Variants in HPCAL1 observed in about 807,000 individuals in gnomAD.
The protein encoded by HPCAL1 is hippocalcin like 1.
Under a neutral mutation model 17.1 loss-of-function variants are expected in HPCAL1, and 8 were observed. That is an observed-to-expected ratio of 0.47 (90% CI 0.27 to 0.84). The LOEUF is 0.84. HPCAL1 is among the 40% of genes least tolerant of loss of function. The pLI is 0.13. For missense variants in HPCAL1, 165 were observed against 271.1 expected (o/e 0.61, Z 2.75); for synonymous variants, 112 against 111.4 (o/e 1.01, Z -0.03).
chr2:10,378,228 T>G (rs1469980570), intron 1 of HPCAL1, among the ~76,000 whole-genome samples: 2 of 146,852 alleles, frequency 1.4e-5, no homozygotes, highest in Non-Finnish European at 3.0e-5. Context: ...TTCATGTTTT[T>G]TTTTTTTTTT....
In HPCAL1 at chr2:10,395,373, T is replaced by G. The variant is rs1419638654; in HGVS notation, c.-110-1462T>G. Among the ~76,000 whole-genome samples, 1 of 151,972 alleles carries G rather than the reference T, an allele frequency of 6.6e-6. No homozygotes were observed. Among genetic ancestry groups the G allele is most frequent in the African/African-American group, 2.4e-5 (1 of 41,350 alleles). On this transcript the variant is annotated intron_variant, in intron 1 of 4. Coordinates refer to ENST00000307845, the MANE Select transcript of HPCAL1 (RefSeq NM_002149.4). This position sits in a 1 kb window ranked among gnomAD's most constrained non-coding sequence, Gnocchi z 4.4. ...CTCGGGGGCATTCATTTGTCAAACA[T>G]TATTTGTTGAGCACCTGCTGTGTCC...
At chr2:10,339,650 T>C (rs1664944488) in intron 1 of HPCAL1, among the ~76,000 whole-genome samples, 1 of 152,200 alleles carries the variant, frequency 6.6e-6, no homozygotes. Flanking sequence ...CGCCCAGCCA[T>C]ATTTGAACTC....
chr2:10,415,457 G>T (rs1488120970), intron 2 of HPCAL1, among the ~76,000 whole-genome samples: 1 of 152,158 alleles, frequency 6.6e-6, no homozygotes, highest in Non-Finnish European at 1.5e-5. Context: ...TCAGTTTGGG[G>T]GTTCTCTGGG....
intron 1 of HPCAL1, among the ~76,000 whole-genome samples, chr2:10,311,346 C>T (rs1009438536): frequency 2.0e-5 from 3 of 152,168 alleles, no homozygotes; most frequent in Non-Finnish European, 2.9e-5. Flanking sequence ...TAAAGGTAGA[C>T]GCAGGGCTCT....
intron 1 of HPCAL1, among the ~76,000 whole-genome samples, chr2:10,336,563 C>G (rs1238401029): frequency 6.6e-6 from 1 of 152,180 alleles, no homozygotes; most frequent in Non-Finnish European, 1.5e-5. Flanking sequence ...CCCTCCAAAT[C>G]TTAGTGGTTT....
At chr2:10,378,983 T>A (rs563874822) in intron 1 of HPCAL1, among the ~76,000 whole-genome samples, 18 of 152,132 alleles carry the variant, frequency 1.2e-4, no homozygotes, top group Non-Finnish European at 2.5e-4. Context: ...TTGTTTCAGG[T>A]CCCGCTTTTT....
At position 10,354,299 on chromosome 2, in the gene HPCAL1, A is replaced by T. The variant is rs192811481; in HGVS notation, c.-110-42536A>T. The T allele has an allele frequency of 7.6e-4, 115 of 152,290 alleles. No homozygotes were observed. The highest frequency in any genetic ancestry group is 2.6e-3 in the African/African-American group (108 of 41,536). 9.4% of individuals were successfully genotyped at this position (152,290 alleles called of 1,614,324 possible). On this transcript the variant is annotated intron_variant, in intron 1 of 4. Coordinates refer to ENST00000307845, the MANE Select transcript of HPCAL1 (RefSeq NM_002149.4). The surrounding 1 kb of genome is among the most constrained non-coding windows in gnomAD (Gnocchi z 5.1). The stretch of plus-strand genomic sequence containing the variant: ...CGTGTCCTCGTTCTTCATTCCACAA[A>T]TACGTTCTAAGGGCCTCCTGCATTT...
intron 1 of HPCAL1, among the ~76,000 whole-genome samples, chr2:10,391,766 T>G (rs1308350919): frequency 6.6e-6 from 1 of 152,250 alleles, no homozygotes; most frequent in Non-Finnish European, 1.5e-5. Flanking sequence ...TTGCTGTTTT[T>G]GTGACAGAGT....
At position 10,337,943 on chromosome 2, in the gene HPCAL1, T is replaced by C. The variant is rs58821919; in HGVS notation, c.-111+34766T>C. 1.3e-3 allele frequency among the ~76,000 whole-genome samples: 204 copies of C among 152,344 alleles called. 1 individual carries two copies. The highest frequency in any genetic ancestry group is 4.6e-3 in the African/African-American group (193 of 41,584). On this transcript the variant is annotated intron_variant, in intron 1 of 4. Transcript: ENST00000307845. ...GGCTTAGTCTGTATTTAGGTATCAC[T>C]GACTATCACTGGACTTGGGGAGGGG...
At chr2:10,373,397 G>T (rs934896839) in intron 1 of HPCAL1, among the ~76,000 whole-genome samples, 2 of 152,068 alleles carry the variant, frequency 1.3e-5, no homozygotes, top group East Asian at 1.9e-4. Context: ...ACATGAGGGG[G>T]TCACAGACGC....
chr2:10,324,561 A>G (rs1663871074), intron 1 of HPCAL1, among the ~76,000 whole-genome samples: 1 of 152,162 alleles, frequency 6.6e-6, no homozygotes, highest in African/African-American at 2.4e-5. Flanking sequence ...CTGCTAAAAA[A>G]TTTTGGGGAT....
chr2:10,340,828 C>G, intron 1 of HPCAL1, among the ~76,000 whole-genome samples: 1 of 152,202 alleles, frequency 6.6e-6, no homozygotes, highest in East Asian at 1.9e-4. Flanking sequence ...TCCCCTGTTC[C>G]TGAATCCCTG....
Position 10,330,083 on chromosome 2 carries a change from AT to A in HPCAL1, c.-111+26920del, listed in dbSNP as rs201738159. The A allele has an allele frequency of 0.011, 1,531 of 144,282 alleles. 20 individuals are homozygous for A. Among genetic ancestry groups the A allele is most frequent in the African/African-American group, 0.029 (1,138 of 39,600 alleles). The allele number at this position is 144,282 out of a possible 1,614,324, so 8.9% of individuals were successfully genotyped here. On this transcript the variant is annotated intron_variant, in intron 1 of 4. Transcript: ENST00000307845. The surrounding 1 kb of genome is among the most constrained non-coding windows in gnomAD (Gnocchi z 4.2). ...CTGTTATTTAAATCTTGGTCCTTTG[AT>A]TTTTTTTTTTTTTCCTTTTAGAGAC...
rs1455684800 is a variant in HPCAL1 at position 10,365,954 on chromosome 2, G to T, written c.-110-30881G>T. Among the ~76,000 whole-genome samples the T allele has an allele frequency of 6.6e-6, 1 of 152,200 alleles. No homozygotes were observed. The highest frequency in any genetic ancestry group is 6.5e-5 in the Admixed American group (1 of 15,284). ...AGACCAGGGATGCACGCCTCATGAG[G>T]AGACGCTCACTCCCCCAGACACACT... On this transcript the variant is annotated intron_variant, in intron 1 of 4. Coordinates refer to ENST00000307845, the MANE Select transcript of HPCAL1 (RefSeq NM_002149.4). This position sits in a 1 kb window ranked among gnomAD's most constrained non-coding sequence, Gnocchi z 4.8.
chr2:10,374,527 G>A (rs913213403), intron 1 of HPCAL1, among the ~76,000 whole-genome samples: 15 of 152,356 alleles, frequency 9.8e-5, no homozygotes, highest in East Asian at 3.9e-4. Context: ...GGGAGCTGAC[G>A]GTCCAGCAGG....
chr2:10,312,176 T>C (rs560564666), intron 1 of HPCAL1, among the ~76,000 whole-genome samples: 1 of 146,324 alleles, frequency 6.8e-6, no homozygotes, highest in African/African-American at 2.5e-5. Context: ...ATCCCCACCA[T>C]CATCACCATC....
rs75652861 is a variant in HPCAL1 at position 10,314,823 on chromosome 2, T to C, written c.-111+11646T>C. On this transcript the variant is annotated intron_variant, in intron 1 of 4. Transcript: ENST00000307845. Reference sequence around the variant, plus strand: ...ACTACTGACCAGATTTTGTTTCAAATTGTTTTTTTTAAATGAATTGCTAAG... The same window carrying C: ...ACTACTGACCAGATTTTGTTTCAAACTGTTTTTTTTAAATGAATTGCTAAG... 1.0e-3 allele frequency among the ~76,000 whole-genome samples: 152 copies of C among 152,358 alleles called. 1 individual carries two copies. Among genetic ancestry groups the C allele is most frequent in the African/African-American group, 3.5e-3 (147 of 41,578 alleles).
chr2:10,413,647 G>A (rs1670482712), intron 2 of HPCAL1, among the ~76,000 whole-genome samples: 1 of 152,252 alleles, frequency 6.6e-6, no homozygotes, highest in African/African-American at 2.4e-5. Context: ...CCTTCTAGCG[G>A]TGTGCTCACT....
chr2:10,417,097 T>C (rs1670720303), intron 2 of HPCAL1, among the ~76,000 whole-genome samples: 1 of 151,548 alleles, frequency 6.6e-6, no homozygotes, highest in South Asian at 2.1e-4. Context: ...GCACAGTGGC[T>C]CACACCTGTA....
Sources: allele counts gnomAD v4.1 joint callset (sites outside exome capture counted in the v4.1 genomes callset), GRCh38; gene constraint gnomAD v4.1.1; non-coding constraint Gnocchi (gnomAD v3.1); transcripts MANE v1.5; gene names NCBI Gene and HGNC (gene_info 2026-07-23, HGNC 2026-07-21).